The following ARHGAP32 variants were observed in gnomAD, a reference collection of about 807,000 sequenced individuals.
The protein encoded by ARHGAP32 is Rho GTPase activating protein 32.
Under a neutral mutation model 186.5 loss-of-function variants are expected in ARHGAP32, and 51 were observed. The ratio of observed to expected loss-of-function variants is 0.27; its 90% CI spans 0.22 to 0.35. ARHGAP32 has a LOEUF of 0.35. Ranked by LOEUF, ARHGAP32 falls within the 10% of genes least tolerant of loss-of-function variation. ARHGAP32 has a pLI of 1.00. For missense variants in ARHGAP32, 2,186 were observed against 2,623.5 expected (o/e 0.83, Z 3.64); for synonymous variants, 950 against 964.3 (o/e 0.99, Z 0.27).
intron 1 of ARHGAP32, among the ~76,000 whole-genome samples, chr11:129,274,412 T>C (rs1459565203): frequency 6.6e-6 from 1 of 152,134 alleles, no homozygotes; most frequent in Non-Finnish European, 1.5e-5. Flanking sequence ...GGAAGAGCCC[T>C]TCTGCCTCCA....
intron 2 of ARHGAP32, among the ~76,000 whole-genome samples, chr11:129,160,702 G>A (rs186555001): frequency 1.1e-3 from 163 of 152,298 alleles, no homozygotes; most frequent in Middle Eastern, 3.4e-3. Context: ...TGGATAGGAA[G>A]AATCAATATT....
chr11:129,063,702 A>G (rs1940591087), intron 9 of ARHGAP32, among the ~76,000 whole-genome samples, 200 bp downstream of exon 9: 1 of 152,162 alleles, frequency 6.6e-6, no homozygotes, highest in Non-Finnish European at 1.5e-5. Flanking sequence ...AAAACAGGAG[A>G]CACTTAACCT....
Position 129,215,895 on chromosome 11 carries a change from T to C in ARHGAP32, c.-4-51468A>G, listed in dbSNP as rs138737510. On this transcript the variant is annotated intron_variant, in intron 1 of 6. Coordinates refer to the ARHGAP32 transcript ENST00000525234. ...TTGCAGACTTGAATAAATGAAGAAT[T>C]TTGAGATGAGAAGATAATCCTGGAT... Among the ~76,000 whole-genome samples the C allele has an allele frequency of 6.5e-3, 990 of 152,220 alleles. 8 individuals are homozygous for C. Among genetic ancestry groups the C allele is most frequent in the South Asian group, 0.034 (162 of 4,824 alleles).
intron 12 of ARHGAP32, among the ~76,000 whole-genome samples, chr11:128,994,887 T>A (rs1195866085): frequency 1.3e-5 from 2 of 152,182 alleles, no homozygotes; most frequent in Non-Finnish European, 2.9e-5. Context: ...TATCTGGCCT[T>A]GGTCTTTGAG....
At chr11:129,052,332 GTGTT>G (rs1940086552) in intron 10 of ARHGAP32, among the ~76,000 whole-genome samples, 2 of 152,168 alleles carry the variant, frequency 1.3e-5, no homozygotes, top group South Asian at 4.1e-4. Context: ...TCTTCAGTTA[GTGTT>G]AGTTCTCCAA....
chr11:129,073,282 C>G (rs1380541390), intron 6 of ARHGAP32, among the ~76,000 whole-genome samples: 1 of 152,036 alleles, frequency 6.6e-6, no homozygotes, highest in Non-Finnish European at 1.5e-5. Context: ...TCAAAGATGG[C>G]AGGAATGTTG....
At chr11:129,115,736 C>G (rs534329766) in intron 5 of ARHGAP32, among the ~76,000 whole-genome samples, 8 of 152,166 alleles carry the variant, frequency 5.3e-5, no homozygotes, top group African/African-American at 1.9e-4. Flanking sequence ...CCCAGTAACC[C>G]TAAAGATGGA....
intron 1 of ARHGAP32, among the ~76,000 whole-genome samples, chr11:129,261,959 T>C (rs1945325788): frequency 6.6e-6 from 1 of 152,196 alleles, no homozygotes; most frequent in Admixed American, 6.5e-5. Context: ...GAGATGTTTA[T>C]GTTTAGCGAT....
At chr11:129,226,609 A>C (rs1944786055) in intron 1 of ARHGAP32, among the ~76,000 whole-genome samples, 1 of 152,212 alleles carries the variant, frequency 6.6e-6, no homozygotes, top group African/African-American at 2.4e-5. Flanking sequence ...AACAAGACAC[A>C]TAAAAAACTA....
intron 10 of ARHGAP32, 37 bp from the exon 11 acceptor site, chr11:129,041,046 C>A (rs928909632): frequency 7.1e-7 from 1 of 1,410,888 alleles, no homozygotes; most frequent in African/African-American, 1.4e-5. Context: ...TCTAAACCAG[C>A]AAACAGACCA....
chr11:129,025,807 A>C (rs537794417), intron 11 of ARHGAP32, among the ~76,000 whole-genome samples: 64 of 140,410 alleles, frequency 4.6e-4, no homozygotes, highest in African/African-American at 1.6e-3. Flanking sequence ...ATCCATGTTT[A>C]TGTTATGTAA....
intron 1 of ARHGAP32, among the ~76,000 whole-genome samples, chr11:129,230,411 C>T (rs1944842378): frequency 6.6e-6 from 1 of 152,136 alleles, no homozygotes; most frequent in Admixed American, 6.6e-5. Flanking sequence ...TCTTTCCTCT[C>T]CCTAATCTCT....
chr11:129,179,002 A>T (rs2135526427), intron 1 of ARHGAP32, among the ~76,000 whole-genome samples: 1 of 151,980 alleles, frequency 6.6e-6, no homozygotes, highest in South Asian at 2.1e-4. Flanking sequence ...CAGAGTGAAC[A>T]GGCAACCTAC....
chr11:129,103,461 A>G (rs1323936324), intron 5 of ARHGAP32, among the ~76,000 whole-genome samples: 5 of 152,114 alleles, frequency 3.3e-5, no homozygotes, highest in Admixed American at 1.3e-4. Context: ...CCAGAAGGAG[A>G]TAAGAGAGAA....
chr11:128,981,461 C>A lies in ARHGAP32; in HGVS notation c.1735G>T (p.Val579Leu). The A allele has an allele frequency of 6.2e-7, 1 of 1,613,660 alleles. No individual in the cohort carries two copies. Residue 579 changes from valine to leucine, a missense_variant, in exon 17 of 23, where the codon GTG becomes TTG. Around this residue, in one of 5 missense-constraint regions of ARHGAP32, gnomAD observed 308 missense variants for 596.5 expected, o/e 0.52. Coordinates refer to ENST00000682385, the MANE Select transcript of ARHGAP32 (RefSeq NM_001378024.1). ...ATGCTGATTCTGCCGCTGAACAGCA[C>A]ATCAACGTGATTCAGGATGAACTCA... ...VVEFILNHVD[V>L]LFSGRISMAM...
chr11:129,268,004 A>G (rs1271952080), intron 1 of ARHGAP32, among the ~76,000 whole-genome samples: 1 of 152,146 alleles, frequency 6.6e-6, no homozygotes, highest in Non-Finnish European at 1.5e-5. Flanking sequence ...CTCCACTCTC[A>G]TGACCCAAAA....
chr11:129,019,478 T>C (rs949190014), intron 11 of ARHGAP32, among the ~76,000 whole-genome samples: 2 of 152,152 alleles, frequency 1.3e-5, no homozygotes, highest in African/African-American at 4.8e-5. Flanking sequence ...AAAGTTGATA[T>C]CAAAAGAACA....
intron 5 of ARHGAP32, among the ~76,000 whole-genome samples, chr11:129,118,448 T>C (rs1291972135): frequency 1.3e-5 from 2 of 152,070 alleles, no homozygotes; most frequent in Non-Finnish European, 2.9e-5. Flanking sequence ...AACCATAAGC[T>C]GGTTCCTTGA....
At chr11:129,185,610 A>T (rs1323950490) in intron 1 of ARHGAP32, among the ~76,000 whole-genome samples, 5 of 152,292 alleles carry the variant, frequency 3.3e-5, no homozygotes, top group Admixed American at 6.5e-5. Context: ...ATAATAATAA[A>T]AAAATGACAC....
Sources: allele counts gnomAD v4.1 joint callset (sites outside exome capture counted in the v4.1 genomes callset), GRCh38; gene constraint gnomAD v4.1.1; regional missense constraint gnomAD v4.1.1; transcripts MANE v1.5; gene names NCBI Gene and HGNC (gene_info 2026-07-23, HGNC 2026-07-21).